The following CPXM2 variants were observed in gnomAD, a reference collection of about 807,000 sequenced individuals.
CPXM2 encodes the protein inactive carboxypeptidase-like protein X2.
A neutral mutation model predicts 86.1 loss-of-function variants in CPXM2; 66 were observed. That is an observed-to-expected ratio of 0.77 (90% CI 0.63 to 0.94). CPXM2 has a LOEUF of 0.94. Ranked by LOEUF, CPXM2 falls within the 40% of genes least tolerant of loss-of-function variation. The pLI, the probability that CPXM2 is intolerant of heterozygous loss-of-function variation, is 0.00. For missense variants in CPXM2, 948 were observed against 1,026.3 expected (o/e 0.92, Z 1.04); for synonymous variants, 388 against 400.2 (o/e 0.97, Z 0.36).
intron 7 of CPXM2, among the ~76,000 whole-genome samples, chr10:123,773,328 TG>T (rs1263368984): frequency 2.6e-5 from 4 of 152,116 alleles, no homozygotes; most frequent in Non-Finnish European, 5.9e-5. Flanking sequence ...CCTCCCTGGT[TG>T]TGGTCATCAC....
At chr10:123,892,983 G>A (rs561589826), upstream of CPXM2, among the ~76,000 whole-genome samples, 1 of 152,338 alleles carries the variant, frequency 6.6e-6, no homozygotes, top group South Asian at 2.1e-4. Context: ...CCGCCTTCCA[G>A]CTAGAGAAAA....
At chr10:123,748,954 G>A (rs781262611) in intron 13 of CPXM2, among the ~76,000 whole-genome samples, 4 of 152,106 alleles carry the variant, frequency 2.6e-5, no homozygotes, top group Non-Finnish European at 4.4e-5. Context: ...AGCTGTAGGC[G>A]CCTGAAGAGC....
intron 5 of CPXM2, among the ~76,000 whole-genome samples, chr10:123,798,880 T>C (rs1847392883): frequency 6.6e-6 from 1 of 152,232 alleles, no homozygotes; most frequent in Non-Finnish European, 1.5e-5. Context: ...GCTGCATTCC[T>C]GCAGTTGCCT....
intron 11 of CPXM2, 84 bp downstream of exon 11, chr10:123,761,788 G>T: frequency 7.3e-7 from 1 of 1,369,938 alleles, no homozygotes; most frequent in Non-Finnish European, 1.0e-6. Flanking sequence ...CAACAGGACA[G>T]TAGTGACACC....
intron 6 of CPXM2, among the ~76,000 whole-genome samples, chr10:123,790,001 C>A (rs1847170088): frequency 6.6e-6 from 1 of 152,108 alleles, no homozygotes. Context: ...ACCTGTAGCC[C>A]CAGCTACTCA....
chr10:123,854,385 A>ATATATATATTATATATATATT (rs1491122567), intron 3 of CPXM2, among the ~76,000 whole-genome samples: 3 of 86,482 alleles, frequency 3.5e-5, no homozygotes, highest in Non-Finnish European at 6.5e-5. Context: ...ATATATATAT[A>ATATATATATTATATATATATT]ATATATATAT....
At chr10:123,747,415 G>A (rs1845991740) in intron 13 of CPXM2, among the ~76,000 whole-genome samples, 1 of 152,218 alleles carries the variant, frequency 6.6e-6, no homozygotes, top group Non-Finnish European at 1.5e-5. Flanking sequence ...ATGGCTGCAA[G>A]TACACAACAA....
intron 10 of CPXM2, among the ~76,000 whole-genome samples, chr10:123,764,551 ATCTCAGCTCACTGCAACCTCCACC>A (rs1846424576): frequency 6.6e-6 from 1 of 151,976 alleles, no homozygotes; most frequent in Admixed American, 6.5e-5. Context: ...CAGTGGCAAA[ATCTCAGCTCACTGCAACCTCCACC>A]TCCCAGGTTA....
intron 4 of CPXM2, among the ~76,000 whole-genome samples, chr10:123,830,758 G>C (rs1848147647): frequency 7.0e-6 from 1 of 143,760 alleles, no homozygotes; most frequent in Non-Finnish European, 1.5e-5. Context: ...TTTTGCAGCT[G>C]CTGGGAATAA....
At chr10:123,895,285 A>C (rs1444151886), upstream of CPXM2, among the ~76,000 whole-genome samples, 2 of 151,758 alleles carry the variant, frequency 1.3e-5, no homozygotes, top group Non-Finnish European at 2.9e-5. Context: ...CACCACACCC[A>C]GCTAATTTTT....
chr10:123,873,377 G>A (rs972048648), intron 2 of CPXM2, among the ~76,000 whole-genome samples: 1 of 152,216 alleles, frequency 6.6e-6, no homozygotes, highest in African/African-American at 2.4e-5. Flanking sequence ...GGTCTAATAA[G>A]TGGAGAGATA....
At chr10:123,936,782 G>A (rs959283345) in intron 2 of CPXM2, among the ~76,000 whole-genome samples, 9 of 151,956 alleles carry the variant, frequency 5.9e-5, no homozygotes, top group Admixed American at 3.3e-4. Flanking sequence ...CAGTCCTCGG[G>A]CCCCACTGCC....
chr10:123,781,975 C>T (rs1191540783), intron 6 of CPXM2, among the ~76,000 whole-genome samples: 2 of 152,226 alleles, frequency 1.3e-5, no homozygotes, highest in Non-Finnish European at 2.9e-5. Context: ...CATATCGACC[C>T]AAGCACTGAA....
chr10:123,889,487 G>A (rs1945232307), intron 1 of CPXM2, among the ~76,000 whole-genome samples: 1 of 150,886 alleles, frequency 6.6e-6, no homozygotes, highest in African/African-American at 2.4e-5. Context: ...GGGGGGCAGG[G>A]AAGAGGAACG....
chr10:123,940,900 G>A (rs748836452), upstream of CPXM2, among the ~76,000 whole-genome samples: 29 of 152,164 alleles, frequency 1.9e-4, no homozygotes, highest in Admixed American at 5.9e-4. Flanking sequence ...GGCCGGACAC[G>A]GTGGCTCACG....
chr10:123,795,645 T>C (rs1205797240), intron 6 of CPXM2, among the ~76,000 whole-genome samples: 1 of 151,978 alleles, frequency 6.6e-6, no homozygotes, highest in Non-Finnish European at 1.5e-5. Flanking sequence ...GATGACCCCA[T>C]CAGGCAGCAT....
At chr10:123,770,203 G>A (rs1846595080) in intron 8 of CPXM2, among the ~76,000 whole-genome samples, 1 of 152,174 alleles carries the variant, frequency 6.6e-6, no homozygotes, top group Non-Finnish European at 1.5e-5. Flanking sequence ...GAACCCAGAA[G>A]GCAGAGGTTT....
chr10:123,864,040 G>C (rs1478593854), intron 2 of CPXM2, among the ~76,000 whole-genome samples: 1 of 152,142 alleles, frequency 6.6e-6, no homozygotes. Flanking sequence ...CCTGCAGCCT[G>C]GCCCCAGGAG....
chr10:123,810,213 G>A (rs1847662345), intron 4 of CPXM2, among the ~76,000 whole-genome samples: 1 of 151,906 alleles, frequency 6.6e-6, no homozygotes, highest in African/African-American at 2.4e-5. Context: ...TAGATTGTAT[G>A]TACCTAATAC....
Sources: allele counts gnomAD v4.1 joint callset (sites outside exome capture counted in the v4.1 genomes callset), GRCh38; gene constraint gnomAD v4.1.1; transcripts MANE v1.5; gene names NCBI Gene and HGNC (gene_info 2026-07-23, HGNC 2026-07-21).